The following ADAMTSL2 variants were observed in gnomAD, a reference collection of about 807,000 sequenced individuals.
ADAMTSL2 encodes ADAMTS-like protein 2.
Under a neutral mutation model 117.0 loss-of-function variants are expected in ADAMTSL2, and 55 were observed. The observed-to-expected ratio is 0.47, with a 90% CI of 0.38 to 0.59. The LOEUF (loss-of-function observed/expected upper bound fraction) is 0.59. ADAMTSL2 is among the 20% of genes least tolerant of loss of function. The pLI is 0.00. For synonymous variants in ADAMTSL2, 572 were observed against 566.4 expected, an observed-to-expected ratio of 1.01 and a Z score of -0.14; for missense variants, 1,182 against 1,354.5, an observed-to-expected ratio of 0.87 and a Z score of 2.00.
chr9:133,570,379 A>C lies in ADAMTSL2; in HGVS notation c.2464A>C (p.Met822Leu). Residue 822 changes from methionine (M) to leucine (L), a missense_variant, in exon 17 of 19, where the codon ATG becomes CTG. Physicochemically the swap from Met to Leu is conservative, Grantham distance 15 (BLOSUM62 2). Around this residue, in one of 3 missense-constraint regions of ADAMTSL2, gnomAD observed 465 missense variants for 565.3 expected, o/e 0.82. Transcript: ENST00000651351. ...RGVKKRLVLC[M>L]ELANGKPQTR... ...GGTCAAGAAGCGGCTGGTGCTCTGC[A>C]TGGAGCTGGCCAACGGGAAGCCGCA... 1.3e-6 allele frequency: 2 copies of C among 1,561,694 alleles called. No homozygotes were observed. The highest frequency in any genetic ancestry group is 1.9e-5 in the Admixed American group (1 of 52,696).
chr9:133,559,351 ATTT>A (rs369151881), intron 11 of ADAMTSL2, among the ~76,000 whole-genome samples: 23,914 of 90,520 alleles, frequency 0.26, 1,678 homozygotes, highest in Middle Eastern at 0.35. Context: ...ACCCACCCCC[ATTT>A]TTTTTTTTTT....
At chr9:133,566,521 G>C (rs1459175606) in intron 12 of ADAMTSL2, among the ~76,000 whole-genome samples, 1 of 152,170 alleles carries the variant, frequency 6.6e-6, no homozygotes, top group Non-Finnish European at 1.5e-5. Context: ...CCCCCACCAT[G>C]ACCTCTGAGG....
chr9:133,552,466 C>G (rs1183344020), intron 9 of ADAMTSL2, among the ~76,000 whole-genome samples: 2 of 152,172 alleles, frequency 1.3e-5, no homozygotes, highest in Middle Eastern at 3.2e-3. Context: ...GTCCAGATGC[C>G]TTTATAGTGT....
chr9:133,574,465 G>GA (rs1831181894), intron 18 of ADAMTSL2, among the ~76,000 whole-genome samples: 1 of 152,160 alleles, frequency 6.6e-6, no homozygotes, highest in East Asian at 1.9e-4. Context: ...GGCCCCTGTG[G>GA]AACCCTTGGG....
At chr9:133,545,922 G>A (rs796734027) in intron 8 of ADAMTSL2, among the ~76,000 whole-genome samples, 50 of 152,082 alleles carry the variant, frequency 3.3e-4, no homozygotes, top group African/African-American at 1.2e-3. Flanking sequence ...ACTTTTCTAC[G>A]TGAAGGGGGT....
At chr9:133,566,442 A>T (rs1295451587) in intron 12 of ADAMTSL2, among the ~76,000 whole-genome samples, 2 of 152,156 alleles carry the variant, frequency 1.3e-5, no homozygotes, top group Non-Finnish European at 2.9e-5. Context: ...CTCCATCTCA[A>T]AAAAAGAAAG....
In ADAMTSL2 at chr9:133,547,199, G is replaced by A; in HGVS notation, c.925G>A (p.Gly309Ser). Residue 309 changes from glycine (G) to serine (S), a missense_variant, in exon 9 of 19, where the codon GGC becomes AGC. Transcript: ENST00000651351. ...YIVAQGPTNQGLNVMVWNQNG... is the reference protein window; with the variant it reads ...YIVAQGPTNQSLNVMVWNQNG... ...CGTGGCACAGGGGCCCACCAACCAG[G>A]GCCTGAATGTCATGGTACGTGTGCC... 6.2e-7 allele frequency: 1 copy of A among 1,613,494 alleles called. No homozygotes were observed. Among genetic ancestry groups the A allele is most frequent in the Non-Finnish European group, 8.5e-7 (1 of 1,179,596 alleles).
chr9:133,540,960 C>T lies in ADAMTSL2; in HGVS notation c.641C>T (p.Thr214Ile). 1 of 1,613,446 alleles carries T rather than the reference C, an allele frequency of 6.2e-7. No homozygotes were observed. The highest frequency in any genetic ancestry group is 1.7e-5 in the Admixed American group (1 of 60,026). ...TGCCAGGGGGACGGTAGCAGCTGCACCCACGTGACGGGCAACTATCGCAAG... is the reference window on the plus strand; with the variant it reads ...TGCCAGGGGGACGGTAGCAGCTGCATCCACGTGACGGGCAACTATCGCAAG... ...GICQGDGSSCTHVTGNYRKGN... is the reference protein window; with the variant it reads ...GICQGDGSSCIHVTGNYRKGN... Residue 214 changes from threonine to isoleucine, a missense_variant, in exon 7 of 19, where the codon ACC becomes ATC. Coordinates refer to ENST00000651351, the MANE Select transcript of ADAMTSL2 (RefSeq NM_014694.4).
At chr9:133,570,234 T>C (rs1045769148) in intron 16 of ADAMTSL2, 97 bp from the exon 17 acceptor site, 43 of 1,378,974 alleles carry the variant, frequency 3.1e-5, no homozygotes, top group Middle Eastern at 4.9e-4. Context: ...ACCCAATTGC[T>C]ATTGACCAGC....
At chr9:133,536,825 A>G (rs1224083448) in intron 2 of ADAMTSL2, 23 bp downstream of exon 2, 3 of 1,613,818 alleles carry the variant, frequency 1.9e-6, no homozygotes, top group Non-Finnish European at 1.7e-6. Context: ...TTGTGGTCTG[A>G]GGGCCCATGC....
intron 1 of ADAMTSL2, among the ~76,000 whole-genome samples, chr9:133,535,765 T>C (rs924822869): frequency 7.9e-5 from 12 of 152,120 alleles, no homozygotes; most frequent in Non-Finnish European, 1.0e-4. Context: ...CGCTGGCAAG[T>C]GACCCTCAGC....
intron 12 of ADAMTSL2, among the ~76,000 whole-genome samples, chr9:133,566,198 T>C (rs1216383168): frequency 1.3e-5 from 2 of 152,138 alleles, no homozygotes; most frequent in South Asian, 2.1e-4. Context: ...TCCCAGCACT[T>C]TGGGAGGCCA....
intron 9 of ADAMTSL2, among the ~76,000 whole-genome samples, chr9:133,549,773 C>T (rs565833906): frequency 2.6e-5 from 4 of 152,328 alleles, no homozygotes; most frequent in African/African-American, 9.6e-5. Context: ...AATGCCCAAA[C>T]AGACCGTGTG....
chr9:133,565,972 G>A (rs887896844), intron 12 of ADAMTSL2, among the ~76,000 whole-genome samples: 3 of 152,180 alleles, frequency 2.0e-5, no homozygotes, highest in African/African-American at 7.2e-5. Context: ...AGGGAGCTGG[G>A]CCTGTGTGGC....
At chr9:133,566,111 A>G (rs1830966813) in intron 12 of ADAMTSL2, among the ~76,000 whole-genome samples, 1 of 152,212 alleles carries the variant, frequency 6.6e-6, no homozygotes, top group African/African-American at 2.4e-5. Context: ...ATTACAGAGT[A>G]CGGGGCACCA....
intron 9 of ADAMTSL2, 138 bp downstream of exon 9, chr9:133,547,351 C>A: frequency 1.2e-6 from 1 of 800,004 alleles, no homozygotes; most frequent in Non-Finnish European, 2.0e-6. Flanking sequence ...CACCACTCTG[C>A]GTGGGCTGGG....
At chr9:133,568,865 G>A (rs1310122397) in intron 15 of ADAMTSL2, 107 bp downstream of exon 15, 13 of 1,425,276 alleles carry the variant, frequency 9.1e-6, no homozygotes, top group Non-Finnish European at 1.3e-5. Context: ...AGGGTGTGAG[G>A]TCAAGAATGT....
At position 133,567,096 on chromosome 9, in the gene ADAMTSL2, G is replaced by A. The variant is rs1037137026; in HGVS notation, c.1874+34G>A. The A allele has an allele frequency of 4.4e-4, 704 of 1,586,424 alleles. 4 individuals are homozygous for A. In the African/African-American group the frequency reaches 8.6e-3, roughly 19 times the overall value. ...CACCAGGGGCCCTGGGCAGGGGGTC[G>A]GCAGGGGGCGTGAGGGGCTCTGCCC... On this transcript the variant is annotated intron_variant, in intron 13 of 18. Coordinates refer to ENST00000651351, the MANE Select transcript of ADAMTSL2 (RefSeq NM_014694.4).
intron 4 of ADAMTSL2, 118 bp from the exon 5 acceptor site, chr9:133,539,653 A>ACGGCTGTCCGGCTGTCC (rs1554810789): frequency 2.9e-6 from 2 of 687,784 alleles, no homozygotes; most frequent in South Asian, 1.8e-5. Context: ...TGGCCCCCGC[A>ACGGCTGTCCGGCTGTCC]CGGCTGTCCC....
Sources: gnomAD v4.1 joint callset for allele counts (sites outside exome capture counted in the v4.1 genomes callset) on GRCh38, gnomAD v4.1.1 for gene constraint, gnomAD v4.1.1 regional missense constraint, MANE v1.5 for transcripts, NCBI Gene and HGNC (gene_info 2026-07-23, HGNC 2026-07-21) for gene names.